The following SESN2 variants were observed in gnomAD, a reference collection of about 807,000 sequenced individuals.
The protein encoded by SESN2 is sestrin-2.
In SESN2, 42 loss-of-function variants were observed where a neutral mutation model predicts 56.0. The observed-to-expected ratio is 0.75, with a 90% CI of 0.59 to 0.97. SESN2 has a LOEUF of 0.97. Ranked by LOEUF, SESN2 falls within the 50% of genes least tolerant of loss-of-function variation. The pLI is 0.00. For synonymous variants in SESN2, 264 were observed against 267.1 expected, an observed-to-expected ratio of 0.99 and a Z score of 0.11; for missense variants, 507 against 649.4, an observed-to-expected ratio of 0.78 and a Z score of 2.38.
intron 1 of SESN2, among the ~76,000 whole-genome samples, chr1:28,262,289 G>A (rs1295902241): frequency 6.6e-6 from 1 of 152,076 alleles, no homozygotes; most frequent in East Asian, 1.9e-4. Flanking sequence ...GCCTTCAGAT[G>A]TGTGTATCTT....
At chr1:28,271,380 CAG>C (rs1202035831) in intron 2 of SESN2, among the ~76,000 whole-genome samples, 2 of 152,170 alleles carry the variant, frequency 1.3e-5, no homozygotes, top group African/African-American at 4.8e-5. Flanking sequence ...AGTGGAGAAA[CAG>C]AACTCCAGTT....
chr1:28,267,328 T>G (rs548991254), intron 1 of SESN2, among the ~76,000 whole-genome samples: 2 of 152,298 alleles, frequency 1.3e-5, no homozygotes, highest in African/African-American at 4.8e-5. Context: ...CTACTTTACC[T>G]ACCAGTTTAG....
At chr1:28,273,027 G>C (rs1572096135) in intron 5 of SESN2, among the ~76,000 whole-genome samples, 1 of 152,176 alleles carries the variant, frequency 6.6e-6, no homozygotes, top group African/African-American at 2.4e-5. Flanking sequence ...CTGACACTGT[G>C]TATATGCCAT....
At chr1:28,263,020 T>C (rs1647435583) in intron 1 of SESN2, among the ~76,000 whole-genome samples, 4 of 152,142 alleles carry the variant, frequency 2.6e-5, no homozygotes, top group Admixed American at 2.0e-4. Context: ...TTGCACACCC[T>C]CCTCCATTCC....
intron 9 of SESN2, among the ~76,000 whole-genome samples, chr1:28,279,876 CAG>C (rs1343507176): frequency 1.3e-5 from 2 of 148,942 alleles, no homozygotes; most frequent in East Asian, 2.0e-4. Flanking sequence ...TTTTTTGAGA[CAG>C]AGTCTTGCTC....
chr1:28,268,781 C>G (rs1365011271), intron 1 of SESN2, among the ~76,000 whole-genome samples: 1 of 152,160 alleles, frequency 6.6e-6, no homozygotes. Flanking sequence ...GAAATTGAAG[C>G]TGCTTCTGAA....
intron 1 of SESN2, among the ~76,000 whole-genome samples, chr1:28,267,438 C>T (rs2149037157): frequency 6.6e-6 from 1 of 152,248 alleles, no homozygotes; most frequent in Non-Finnish European, 1.5e-5. Flanking sequence ...CTTCTGGAGT[C>T]CCAGAGCTCT....
In SESN2 at chr1:28,271,682, G is replaced by A; in HGVS notation, c.165G>A (p.Arg55=). The A allele has an allele frequency of 6.2e-7, 1 of 1,614,100 alleles. No individual in the cohort carries two copies. Among genetic ancestry groups the A allele is most frequent in the South Asian group, 1.1e-5 (1 of 91,078 alleles). ...SAFIPVEEVL[R]EGAESLEQHL... Reference sequence around the variant, plus strand: ...TCCCCTTTGGTTGGCAGGTCCTTCGGGAGGGGGCTGAGAGCCTCGAGCAGC... The same window carrying A: ...TCCCCTTTGGTTGGCAGGTCCTTCGAGAGGGGGCTGAGAGCCTCGAGCAGC... The change falls in exon 3 of 10, where the codon CGG becomes CGA. Residue 55 remains arginine, a synonymous_variant. Coordinates refer to ENST00000253063, the MANE Select transcript of SESN2 (RefSeq NM_031459.5).
chr1:28,264,422 AC>A (rs778197742), intron 1 of SESN2, among the ~76,000 whole-genome samples: 5 of 152,166 alleles, frequency 3.3e-5, no homozygotes, highest in Admixed American at 6.5e-5. Context: ...TTGAATGACC[AC>A]CTAAAGGGTT....
intron 3 of SESN2, 78 bp downstream of exon 3, chr1:28,271,949 T>G (rs1270674536): frequency 1.5e-6 from 2 of 1,361,500 alleles, no homozygotes; most frequent in East Asian, 4.6e-5. Flanking sequence ...TCTGGGAGCT[T>G]TGTGAGCTGA....
chr1:28,280,905 G>A lies in SESN2; in HGVS notation c.*103G>A. 1 of 844,736 alleles carries A rather than the reference G, an allele frequency of 1.2e-6. No individual in the cohort carries two copies. Among genetic ancestry groups the A allele is most frequent in the Non-Finnish European group, 2.0e-6 (1 of 508,382 alleles). 52.3% of individuals were successfully genotyped at this position (844,736 alleles called of 1,614,324 possible). A position where few individuals can be genotyped will look rare whatever the true frequency, so the allele number is the denominator to read the frequency against. The stretch of plus-strand genomic sequence containing the variant: ...GTCCCATGCCCACCCTCCCCACGCT[G>A]CAGTGGGCTTGTGTGTGATGTGCAG... On this transcript the variant is annotated 3_prime_UTR_variant, in exon 10 of 10. Coordinates refer to ENST00000253063, the MANE Select transcript of SESN2 (RefSeq NM_031459.5).
At chr1:28,263,848 C>T (rs957225667) in intron 1 of SESN2, among the ~76,000 whole-genome samples, 10 of 152,046 alleles carry the variant, frequency 6.6e-5, no homozygotes, top group Admixed American at 4.6e-4. Context: ...ACTCTGCCGC[C>T]GCCCCAAAAC....
chr1:28,281,688 C>G lies in SESN2; in HGVS notation c.*886C>G, dbSNP rs548000962. On this transcript the variant is annotated 3_prime_UTR_variant, in exon 10 of 10. Transcript: ENST00000253063. ...ACTCTCCTGCCTCCAGTGGCCCTGC[C>G]GCAGATGTCTCCCAAAAAGTTGAGC... 6.6e-6 allele frequency: 1 copy of G among 152,322 alleles called. No homozygotes were observed. The highest frequency in any genetic ancestry group is 2.4e-5 in the African/African-American group (1 of 41,452). 9.4% of individuals were successfully genotyped at this position (152,322 alleles called of 1,614,324 possible).
intron 2 of SESN2, among the ~76,000 whole-genome samples, chr1:28,270,219 C>T (rs1416633821): frequency 1.3e-5 from 2 of 151,974 alleles, no homozygotes; most frequent in Admixed American, 6.6e-5. Flanking sequence ...GGCGTGGTGG[C>T]GGGCGCCTGT....
intron 7 of SESN2, among the ~76,000 whole-genome samples, 158 bp downstream of exon 7, chr1:28,274,316 G>C (rs979403737): frequency 6.6e-6 from 1 of 152,190 alleles, no homozygotes; most frequent in African/African-American, 2.4e-5. Context: ...AGGATTGCTT[G>C]AGCCCAGGAG....
At chr1:28,273,874 C>G (rs975187351) in intron 6 of SESN2, among the ~76,000 whole-genome samples, 166 bp from the exon 7 acceptor site, 15 of 152,170 alleles carry the variant, frequency 9.9e-5, no homozygotes, top group Non-Finnish European at 2.1e-4. Flanking sequence ...GATCCACCCC[C>G]TCCCCAAGGC....
rs752131471 is a variant in SESN2, at chr1:28,269,199, G to A, written c.107G>A (p.Arg36Gln). 6.8e-6 allele frequency: 11 copies of A among 1,612,562 alleles called. No homozygotes were observed. The highest frequency in any genetic ancestry group is 6.7e-5 in the East Asian group (3 of 44,782). ...TCCTCCCAGGAGCAGAGGGAGAGCCGGGCTCGGCGAGGCCCTCGAGGGCCC... is the reference window on the plus strand; with the variant it reads ...TCCTCCCAGGAGCAGAGGGAGAGCCAGGCTCGGCGAGGCCCTCGAGGGCCC... ...SGPGEEQRES[R>Q]ARRGPRGPSA... The change falls in exon 2 of 10, where the codon CGG (arginine) becomes CAG (glutamine). Residue 36 changes from arginine to glutamine, a missense_variant. Physicochemically the swap from Arg to Gln is conservative, Grantham distance 43. Transcript: ENST00000253063.
At chr1:28,271,585 C>A in intron 2 of SESN2, 89 bp from the exon 3 acceptor site, 1 of 981,062 alleles carries the variant, frequency 1.0e-6, no homozygotes, top group Non-Finnish European at 1.6e-6. Flanking sequence ...TAGTTTCTTG[C>A]CATTAAAAAC....
chr1:28,260,926 T>C (rs923780856), intron 1 of SESN2, among the ~76,000 whole-genome samples: 49 of 152,062 alleles, frequency 3.2e-4, no homozygotes, highest in African/African-American at 1.2e-3. Context: ...CAATACAAGC[T>C]ACGCTATAGC....
Sources: allele counts gnomAD v4.1 joint callset (sites outside exome capture counted in the v4.1 genomes callset), GRCh38; gene constraint gnomAD v4.1.1; transcripts MANE v1.5; gene names NCBI Gene and HGNC (gene_info 2026-07-23, HGNC 2026-07-21).